Variants in TTI1 observed in about 807,000 individuals in gnomAD.
TTI1 encodes TELO2-interacting protein 1 homolog.
Under a neutral mutation model 85.4 loss-of-function variants are expected in TTI1, and 52 were observed. The ratio of observed to expected loss-of-function variants is 0.61; its 90% CI spans 0.49 to 0.77. The LOEUF is 0.77. Among genes scored for constraint, TTI1 ranks in the 30% least tolerant of loss-of-function variants. The pLI, the probability that TTI1 is intolerant of heterozygous loss-of-function variation, is 0.00. For missense variants in TTI1, 1,173 were observed against 1,296.0 expected, an observed-to-expected ratio of 0.91 and a Z score of 1.46; for synonymous variants, 512 against 503.9, an observed-to-expected ratio of 1.02 and a Z score of -0.22.
intron 7 of TTI1, among the ~76,000 whole-genome samples, chr20:37,985,530 T>A (rs1202798454): frequency 7.4e-6 from 1 of 135,810 alleles, no homozygotes; most frequent in Non-Finnish European, 1.6e-5. Context: ...GGGCACTGAA[T>A]TTTTTTTTTT....
At chr20:37,986,579 C>T (rs1258772022) in intron 7 of TTI1, among the ~76,000 whole-genome samples, 1 of 152,238 alleles carries the variant, frequency 6.6e-6, no homozygotes, top group East Asian at 1.9e-4. Context: ...CTTCTCCCAC[C>T]TCTGTGGCTT....
chr20:37,985,484 T>C (rs2073178289), intron 7 of TTI1, among the ~76,000 whole-genome samples: 1 of 151,130 alleles, frequency 6.6e-6, no homozygotes, highest in East Asian at 1.9e-4. Context: ...ACTAAGGAGG[T>C]CAGGGAGGCA....
Position 38,002,715 on chromosome 20 carries a change from T to C in TTI1, c.2565A>G (p.Pro855=), listed in dbSNP as rs748032364. The C allele has an allele frequency of 1.2e-6, 2 of 1,614,226 alleles. No individual in the cohort carries two copies. Among genetic ancestry groups the C allele is most frequent in the Non-Finnish European group, 1.7e-6 (2 of 1,180,044 alleles). ...TGGCTATTTGGATCTGCAATGGCAGTGGTGGCTCCACATCTGGACGGGTGT... is the reference window on the plus strand; with the variant it reads ...TGGCTATTTGGATCTGCAATGGCAGCGGTGGCTCCACATCTGGACGGGTGT... ...ENDTRPDVEP[P]LPLQIQIAMD... Residue 855 remains proline (P), a synonymous_variant, in exon 4 of 8, where the codon CCA becomes CCG. Coordinates refer to ENST00000373447, the MANE Select transcript of TTI1 (RefSeq NM_001303457.2).
chr20:38,017,778 ATAAC>A (rs1468915800), intron 1 of TTI1, among the ~76,000 whole-genome samples: 2 of 152,210 alleles, frequency 1.3e-5, no homozygotes, highest in Non-Finnish European at 2.9e-5. Context: ...GGTAGGCTAA[ATAAC>A]TAAGCTGAAA....
chr20:38,020,323 AATATAT>A lies in TTI1; in HGVS notation c.-41-6472_-41-6467del, dbSNP rs1159604655. Among the ~76,000 whole-genome samples, 276 of 50,382 alleles carry A rather than the reference AATATAT, an allele frequency of 5.5e-3. 7 individuals are homozygous for A. Among genetic ancestry groups the A allele is most frequent in the African/African-American group, 0.022 (242 of 11,218 alleles). 33.1% of individuals were successfully genotyped at this position (50,382 alleles called of 152,430 possible). A position where few individuals can be genotyped will look rare whatever the true frequency, so the allele number is the denominator to read the frequency against. ...GGCTACTCATATGAAAAAAAAAAAA[AATATAT>A]ATATATATATATATATATATATATG... On this transcript the variant is annotated intron_variant, in intron 1 of 7. Transcript: ENST00000373447.
At chr20:38,022,256 T>C (rs942829115) in intron 1 of TTI1, among the ~76,000 whole-genome samples, 2 of 152,222 alleles carry the variant, frequency 1.3e-5, no homozygotes, top group African/African-American at 2.4e-5. Context: ...TTTACCACTT[T>C]CAGGGCTTTG....
chr20:38,012,550 CCA>C lies in TTI1; in HGVS notation c.1265_1266del (p.Val422GlyfsTer20). ...GCTTTGGAAAGCCGCTGGAGATGGG[CCA>C]CAGAGTTGAGGACAAAGTTTATTTT... The part of the protein sequence containing the change: ...GPKINFVLNS[V>X]AHLQRLSKAL... On this transcript the variant is annotated frameshift_variant, in exon 2 of 8. Coordinates refer to ENST00000373447, the MANE Select transcript of TTI1 (RefSeq NM_001303457.2). LOFTEE classifies it high-confidence loss of function. 1 of 1,614,112 alleles carries C rather than the reference CCA, an allele frequency of 6.2e-7. No individual in the cohort carries two copies. The highest frequency in any genetic ancestry group is 8.5e-7 in the Non-Finnish European group (1 of 1,180,028).
chr20:37,986,718 A>G (rs1044939846), intron 7 of TTI1, among the ~76,000 whole-genome samples: 3 of 152,248 alleles, frequency 2.0e-5, no homozygotes, highest in African/African-American at 7.2e-5. Flanking sequence ...TTTGAAGTAT[A>G]TGATGAAAAC....
At chr20:38,018,802 T>C (rs1418720463) in intron 1 of TTI1, among the ~76,000 whole-genome samples, 1 of 151,132 alleles carries the variant, frequency 6.6e-6, no homozygotes, top group Non-Finnish European at 1.5e-5. Context: ...TTTTAATCTA[T>C]GGACTAGGGA....
chr20:38,002,184 G>T (rs916726841), intron 4 of TTI1, among the ~76,000 whole-genome samples: 12 of 152,164 alleles, frequency 7.9e-5, no homozygotes, highest in Admixed American at 7.9e-4. Context: ...CCTTGCTGAT[G>T]GGGGTGCTGC....
chr20:37,999,337 G>A lies in TTI1; in HGVS notation c.2653-9C>T. ...TCCAGCACATCCAAGACCTGAAAGA[G>A]ACACGATTTCAGCAGATGGTATAGG... On this transcript the variant is annotated splice_polypyrimidine_tract_variant and intron_variant, in intron 4 of 7. Transcript: ENST00000373447. 1 of 1,394,624 alleles carries A rather than the reference G, an allele frequency of 7.2e-7. No homozygotes were observed. The highest frequency in any genetic ancestry group is 9.4e-7 in the Non-Finnish European group (1 of 1,064,232). The allele number at this position is 1,394,624 out of a possible 1,614,324, so 86.4% of individuals were successfully genotyped here. A position where few individuals can be genotyped will look rare whatever the true frequency, so the allele number is the denominator to read the frequency against.
intron 1 of TTI1, among the ~76,000 whole-genome samples, chr20:38,017,757 T>C (rs143613249): frequency 3.3e-5 from 5 of 152,296 alleles, no homozygotes; most frequent in Admixed American, 2.6e-4. Flanking sequence ...TTTGAAATGA[T>C]GTGAAGTAGT....
Position 38,002,616 on chromosome 20 carries a change from C to T in TTI1, c.2652+12G>A, listed in dbSNP as rs575557977. 2 of 1,613,872 alleles carry T rather than the reference C, an allele frequency of 1.2e-6. No homozygotes were observed. The highest frequency in any genetic ancestry group is 1.7e-4 in the Middle Eastern group (1 of 6,060). ...CTACTCTGGGAATGCAGAGAAGCAG[C>T]TGCGCACTGACCTTCAGGCGGATTT... On this transcript the variant is annotated intron_variant, in intron 4 of 7. Transcript: ENST00000373447.
At chr20:37,997,043 C>T in intron 5 of TTI1, 90 bp from the exon 6 acceptor site, 14 of 1,389,370 alleles carry the variant, frequency 1.0e-5, no homozygotes, top group Non-Finnish European at 1.4e-5. Flanking sequence ...TCATCTAGGT[C>T]TCTGCTTGGG....
intron 7 of TTI1, among the ~76,000 whole-genome samples, chr20:37,994,946 T>C (rs1296790304): frequency 1.3e-5 from 2 of 152,016 alleles, no homozygotes; most frequent in Non-Finnish European, 2.9e-5. Context: ...TGGGATGGAG[T>C]GGGTGTAGGA....
Position 38,030,255 on chromosome 20 carries a change from G to C in TTI1, c.-42+3149C>G, listed in dbSNP as rs1464320013. ...GAGGAGGGAGGAAGGAGGAAGGAGG[G>C]AGGGAGGGAAGCAGGGAGTGGAGGG... On this transcript the variant is annotated intron_variant, in intron 1 of 7. Transcript: ENST00000373447. 2.6e-5 allele frequency among the ~76,000 whole-genome samples: 4 copies of C among 151,748 alleles called. No individual in the cohort carries two copies. The South Asian group carries it at 8.3e-4, about 32-fold the overall frequency.
chr20:37,996,555 G>T, intron 6 of TTI1, 93 bp from the exon 7 acceptor site: 1 of 1,488,348 alleles, frequency 6.7e-7, no homozygotes, highest in Non-Finnish European at 9.3e-7. Flanking sequence ...GCAACAGCTA[G>T]GCAAGATGCT....
chr20:37,996,430 A>G lies in TTI1; in HGVS notation c.3031T>C (p.Cys1011Arg). Residue 1011 changes from cysteine (C) to arginine (R), a missense_variant, in exon 7 of 8, where the codon TGC becomes CGC. By Grantham distance (180) the Cys-to-Arg change is radical. Transcript: ENST00000373447. ...EGDLNKVADA[C>R]LIYLSVKQPV... The stretch of plus-strand genomic sequence containing the variant: ...TGTTTGACACTGAGGTAAATCAAGC[A>G]GGCATCAGCCACTTTATTCAGGTCA... 1 of 1,614,104 alleles carries G rather than the reference A, an allele frequency of 6.2e-7. No homozygotes were observed. The highest frequency in any genetic ancestry group is 8.5e-7 in the Non-Finnish European group (1 of 1,180,028).
At chr20:38,032,374 C>T (rs779531076) in intron 1 of TTI1, among the ~76,000 whole-genome samples, 1 of 152,214 alleles carries the variant, frequency 6.6e-6, no homozygotes, top group African/African-American at 2.4e-5. Context: ...CAAAAGCAGG[C>T]ATCAACTAGA....
Sources: gnomAD v4.1 joint callset for allele counts (sites outside exome capture counted in the v4.1 genomes callset) on GRCh38, gnomAD v4.1.1 for gene constraint, MANE v1.5 for transcripts, NCBI Gene and HGNC (gene_info 2026-07-23, HGNC 2026-07-21) for gene names.